Variants in ERC2 observed in about 807,000 individuals in gnomAD.
ERC2 encodes ERC protein 2.
Under a neutral mutation model 114.8 loss-of-function variants are expected in ERC2, and 42 were observed. The observed-to-expected ratio is 0.37, with a 90% confidence interval of 0.29 to 0.47. The LOEUF (loss-of-function observed/expected upper bound fraction) is 0.47. ERC2 is among the 20% of genes least tolerant of loss of function. The pLI, the probability that ERC2 is intolerant of heterozygous loss-of-function variation, is 0.99. For missense variants in ERC2, 939 were observed against 1,150.7 expected (o/e 0.82, Z 2.66); for synonymous variants, 454 against 425.5 (o/e 1.07, Z -0.82).
intron 2 of ERC2, among the ~76,000 whole-genome samples, chr3:56,407,854 G>A (rs969052100): frequency 4.6e-5 from 7 of 152,020 alleles, no homozygotes; most frequent in Non-Finnish European, 8.8e-5. Flanking sequence ...CATACTGCCC[G>A]TCACTTCAGA....
intron 17 of ERC2, among the ~76,000 whole-genome samples, chr3:55,569,861 A>ATTTTTTT (rs375004734): frequency 4.8e-5 from 6 of 125,230 alleles, no homozygotes; most frequent in Non-Finnish European, 8.4e-5. Context: ...CTTCATTTCT[A>ATTTTTTT]TTTTTTTTTT....
intron 2 of ERC2, among the ~76,000 whole-genome samples, chr3:56,383,431 C>T (rs905569455): frequency 6.6e-6 from 1 of 152,208 alleles, no homozygotes; most frequent in East Asian, 1.9e-4. Flanking sequence ...GTTGCTGTCA[C>T]TGCTATAATT....
At chr3:55,704,384 A>G (rs1191187271) in intron 15 of ERC2, among the ~76,000 whole-genome samples, 3 of 152,200 alleles carry the variant, frequency 2.0e-5, no homozygotes, top group African/African-American at 7.2e-5. Context: ...GTTTAAATAG[A>G]AAAAAATATA....
intron 16 of ERC2, among the ~76,000 whole-genome samples, chr3:55,688,467 A>G (rs1486274738): frequency 6.6e-6 from 1 of 152,128 alleles, no homozygotes; most frequent in East Asian, 1.9e-4. Context: ...TTCTGACTCC[A>G]CCATATGAGC....
chr3:56,222,449 C>A (rs1228738166), intron 3 of ERC2, among the ~76,000 whole-genome samples: 1 of 152,170 alleles, frequency 6.6e-6, no homozygotes, highest in East Asian at 1.9e-4. Context: ...CCCCCATCAT[C>A]CATTGGCCAA....
rs151269840 is a variant in ERC2 at position 56,360,852 on chromosome 3, G to A, written c.658-64417C>T. ...GAAACCAGGAGGCAGAGGTTGCAGT[G>A]AGCTGAGATTGCACCACTACACTCC... On this transcript the variant is annotated intron_variant, in intron 2 of 17. Coordinates refer to ENST00000288221, the MANE Select transcript of ERC2 (RefSeq NM_015576.3). Among the ~76,000 whole-genome samples the A allele has an allele frequency of 3.6e-3, 542 of 152,286 alleles. 3 individuals are homozygous for A. Among genetic ancestry groups the A allele is most frequent in the African/African-American group, 0.013 (526 of 41,554 alleles).
intron 15 of ERC2, among the ~76,000 whole-genome samples, chr3:55,701,245 C>T (rs1455359467): frequency 6.6e-6 from 1 of 152,192 alleles, no homozygotes; most frequent in Admixed American, 6.5e-5. Context: ...TTACTATCCT[C>T]ATTTGGCAGC....
At chr3:56,467,312 C>T (rs560209575) in intron 1 of ERC2, among the ~76,000 whole-genome samples, 3 of 152,210 alleles carry the variant, frequency 2.0e-5, no homozygotes, top group Non-Finnish European at 4.4e-5. Flanking sequence ...ACAGAGGGAA[C>T]CGACAATTCA....
intron 7 of ERC2, among the ~76,000 whole-genome samples, chr3:56,065,644 A>G (rs2076440367): frequency 6.6e-6 from 1 of 152,024 alleles, no homozygotes; most frequent in African/African-American, 2.4e-5. Context: ...ACACCTAGGT[A>G]TTAAGCCCAG....
At chr3:56,400,308 G>C (rs2060473460) in intron 2 of ERC2, among the ~76,000 whole-genome samples, 1 of 152,046 alleles carries the variant, frequency 6.6e-6, no homozygotes, top group Non-Finnish European at 1.5e-5. Context: ...AAAGGTGATG[G>C]TTATGGGGGC....
chr3:55,826,327 C>T (rs2060325451), intron 14 of ERC2, among the ~76,000 whole-genome samples: 3 of 152,148 alleles, frequency 2.0e-5, no homozygotes, highest in Admixed American at 2.0e-4. Flanking sequence ...CACTACAGAA[C>T]AGTCAGAATT....
intron 6 of ERC2, among the ~76,000 whole-genome samples, chr3:56,125,220 A>C (rs1164980616): frequency 2.6e-5 from 4 of 152,190 alleles, no homozygotes; most frequent in African/African-American, 9.7e-5. Context: ...TTTCTAAAAT[A>C]TGTAGGATAA....
chr3:56,428,446 A>T lies in ERC2; in HGVS notation c.657+5905T>A, dbSNP rs561601040. Among the ~76,000 whole-genome samples, 4 of 151,040 alleles carry T rather than the reference A, an allele frequency of 2.6e-5. No homozygotes were observed. The South Asian group carries it at 8.4e-4, about 32-fold the overall frequency. On this transcript the variant is annotated intron_variant, in intron 2 of 17. Transcript: ENST00000288221. ...TGAGGCAGGAGGATTCCCTGAACCC[A>T]GGAGGTAGAGGTTGCAGTGAACCGA...
chr3:56,382,293 A>C (rs1246643931), intron 2 of ERC2, among the ~76,000 whole-genome samples: 1 of 152,096 alleles, frequency 6.6e-6, no homozygotes, highest in Non-Finnish European at 1.5e-5. Flanking sequence ...CTACCAGGTC[A>C]GATCCTATCA....
intron 2 of ERC2, among the ~76,000 whole-genome samples, chr3:56,372,256 G>T (rs758963011): frequency 1.3e-5 from 2 of 152,160 alleles, no homozygotes; most frequent in African/African-American, 2.4e-5. Context: ...AAATCATATT[G>T]CTAAGGCTAA....
intron 17 of ERC2, among the ~76,000 whole-genome samples, chr3:55,600,270 T>C (rs1024315639): frequency 6.6e-6 from 1 of 152,098 alleles, no homozygotes; most frequent in Non-Finnish European, 1.5e-5. Flanking sequence ...GAAACACATA[T>C]ATGGCAGGTT....
intron 3 of ERC2, among the ~76,000 whole-genome samples, chr3:56,233,041 C>A (rs2050731102): frequency 6.6e-6 from 1 of 152,168 alleles, no homozygotes; most frequent in Non-Finnish European, 1.5e-5. Context: ...CAACTAAATA[C>A]TTGTTTATCT....
chr3:56,461,412 C>CCAGGCAGA (rs1405209992), intron 1 of ERC2, among the ~76,000 whole-genome samples: 1 of 152,002 alleles, frequency 6.6e-6, no homozygotes, highest in Non-Finnish European at 1.5e-5. Context: ...ACTGAAAGGC[C>CCAGGCAGA]CAGGCAGATG....
intron 17 of ERC2, among the ~76,000 whole-genome samples, chr3:55,533,343 A>G (rs959382594): frequency 6.6e-6 from 1 of 152,204 alleles, no homozygotes; most frequent in African/African-American, 2.4e-5. Flanking sequence ...TGACCGTTCA[A>G]AGGTTCCCTC....
Sources: allele counts gnomAD v4.1 joint callset (sites outside exome capture counted in the v4.1 genomes callset), GRCh38; gene constraint gnomAD v4.1.1; transcripts MANE v1.5; gene names NCBI Gene and HGNC (gene_info 2026-07-23, HGNC 2026-07-21).